The following GABPB1 variants were observed in gnomAD, a reference collection of about 807,000 sequenced individuals.
GABPB1 encodes the protein GA-binding protein subunit beta-1.
A neutral mutation model predicts 45.9 loss-of-function variants in GABPB1; 15 were observed. The observed-to-expected ratio is 0.33, with a 90% CI of 0.22 to 0.50. The LOEUF (loss-of-function observed/expected upper bound fraction) is 0.50. Ranked by LOEUF, GABPB1 falls within the 20% of genes least tolerant of loss-of-function variation. GABPB1 has a pLI of 0.98. For synonymous variants in GABPB1, 143 were observed against 154.4 expected, an observed-to-expected ratio of 0.93 and a Z score of 0.55; for missense variants, 252 against 457.5, an observed-to-expected ratio of 0.55 and a Z score of 4.10.
intron 6 of GABPB1, among the ~76,000 whole-genome samples, chr15:50,295,118 T>C (rs2046468506): frequency 6.6e-6 from 1 of 152,222 alleles, no homozygotes; most frequent in Admixed American, 6.5e-5. Flanking sequence ...AGCTTCTAAT[T>C]CTATATCCCA....
intron 1 of GABPB1, among the ~76,000 whole-genome samples, chr15:50,340,289 T>C (rs1460795152): frequency 6.6e-6 from 1 of 152,222 alleles, no homozygotes; most frequent in Non-Finnish European, 1.5e-5. Context: ...CTAGTTTATA[T>C]TTTGTTATAG....
chr15:50,278,645 T>G lies in GABPB1; in HGVS notation c.1139A>C (p.Lys380Thr). The change falls in exon 9 of 9, where the codon AAA becomes ACA. Residue 380 changes from lysine to threonine, a missense_variant. Physicochemically the swap from Lys to Thr is moderately conservative, Grantham distance 78. Coordinates refer to ENST00000380877, the MANE Select transcript of GABPB1 (RefSeq NM_016654.5). ...LEAMTRLQTN[K>T]EAV ...TGTTCATTTCAATTAAACAGCTTCT[T>G]TATTAGTCTGAAGACGAGTCATAGC... 1 of 1,608,396 alleles carries G rather than the reference T, an allele frequency of 6.2e-7. No individual in the cohort carries two copies. The highest frequency in any genetic ancestry group is 8.5e-7 in the Non-Finnish European group (1 of 1,178,612).
chr15:50,354,451 G>A, intron 1 of GABPB1: 2 of 447,028 alleles, frequency 4.5e-6, no homozygotes, highest in Non-Finnish European at 9.0e-6. Context: ...AGGGCGCCCA[G>A]GACCCGCCAC....
chr15:50,302,127 A>G (rs2046772576), intron 4 of GABPB1, among the ~76,000 whole-genome samples: 1 of 152,230 alleles, frequency 6.6e-6, no homozygotes, highest in Non-Finnish European at 1.5e-5. Context: ...CTGGCTGAAA[A>G]TAAGAGAAGT....
chr15:50,294,390 T>G (rs781243430), intron 6 of GABPB1, among the ~76,000 whole-genome samples: 2 of 152,024 alleles, frequency 1.3e-5, no homozygotes, highest in Non-Finnish European at 2.9e-5. Context: ...GGCACGTGCC[T>G]GTAGTCCCAG....
At position 50,276,868 on chromosome 15, in the gene GABPB1, GAA is replaced by G. The variant is rs894805531; in HGVS notation, c.*1762_*1763del. On this transcript the variant is annotated 3_prime_UTR_variant, in exon 9 of 9. Transcript: ENST00000380877. ...TCTCTATTGACTTTTCAGGACTGCAGAAAAAGTCACTTCATGCTATTGAAAAT... is the reference window on the plus strand; with the variant it reads ...TCTCTATTGACTTTTCAGGACTGCAGAAAGTCACTTCATGCTATTGAAAAT... The G allele has an allele frequency of 1.3e-5, 2 of 152,222 alleles. No individual in the cohort carries two copies. Among genetic ancestry groups the G allele is most frequent in the African/African-American group, 4.8e-5 (2 of 41,442 alleles). The allele number at this position is 152,222 out of a possible 1,614,324, so 9.4% of individuals were successfully genotyped here. A position where few individuals can be genotyped will look rare whatever the true frequency, so the allele number is the denominator to read the frequency against.
intron 6 of GABPB1, among the ~76,000 whole-genome samples, chr15:50,294,412 G>A (rs1244141237): frequency 6.6e-6 from 1 of 152,136 alleles, no homozygotes; most frequent in African/African-American, 2.4e-5. Flanking sequence ...TACTCAGGAG[G>A]CTGAGGCAGG....
At chr15:50,301,922 T>A (rs1222197469) in intron 4 of GABPB1, among the ~76,000 whole-genome samples, 1 of 152,172 alleles carries the variant, frequency 6.6e-6, no homozygotes, top group East Asian at 1.9e-4. Flanking sequence ...ACCCCCAAAC[T>A]GCACTCTTAG....
intron 1 of GABPB1, among the ~76,000 whole-genome samples, chr15:50,334,505 CTTTTTTTTTTT>C (rs60433481): frequency 9.1e-6 from 1 of 109,406 alleles, no homozygotes; most frequent in Non-Finnish European, 1.8e-5. Context: ...TCTTTTTTTC[CTTTTTTTTTTT>C]TTTTTTTTTT....
At chr15:50,296,645 C>T (rs2046522133) in intron 6 of GABPB1, among the ~76,000 whole-genome samples, 1 of 152,156 alleles carries the variant, frequency 6.6e-6, no homozygotes, top group African/African-American at 2.4e-5. Context: ...ATTCAACCTC[C>T]ACAACCTCCA....
intron 1 of GABPB1, chr15:50,349,021 A>G (rs933324852): frequency 6.6e-6 from 1 of 152,194 alleles, no homozygotes; most frequent in African/African-American, 2.4e-5. Flanking sequence ...TTAATATTAT[A>G]AAATAGGACT....
At chr15:50,347,867 C>A (rs1187196746) in intron 1 of GABPB1, among the ~76,000 whole-genome samples, 1 of 152,008 alleles carries the variant, frequency 6.6e-6, no homozygotes, top group East Asian at 1.9e-4. Context: ...ACCAGCCTAG[C>A]CAACATGGCT....
intron 1 of GABPB1, among the ~76,000 whole-genome samples, chr15:50,311,485 T>C (rs1352835171): frequency 6.6e-6 from 1 of 152,198 alleles, no homozygotes; most frequent in Non-Finnish European, 1.5e-5. Flanking sequence ...TGAACAACTA[T>C]TACAGGTTGA....
rs1380897910 is a variant in GABPB1, at chr15:50,287,620, GC to G, written c.884-1438del. ...AGCAGCCTCAGAAGAAACCAAACCT[GC>G]CCAACACCTTGATCTCGCACTTTTA... On this transcript the variant is annotated intron_variant, in intron 7 of 8. Coordinates refer to ENST00000380877, the MANE Select transcript of GABPB1 (RefSeq NM_016654.5). Among the ~76,000 whole-genome samples, 11 of 152,252 alleles carry G rather than the reference GC, an allele frequency of 7.2e-5. No individual in the cohort carries two copies. In the East Asian group the frequency reaches 2.1e-3, roughly 29 times the overall value.
At position 50,339,718 on chromosome 15, in the gene GABPB1, C is replaced by A. The variant is rs144239778; in HGVS notation, c.-1+15267G>T. Among the ~76,000 whole-genome samples, 824 of 152,094 alleles carry A rather than the reference C, an allele frequency of 5.4e-3. 6 individuals are homozygous for A. Among genetic ancestry groups the A allele is most frequent in the African/African-American group, 0.019 (789 of 41,472 alleles). Reference sequence around the variant, plus strand: ...GATAAAAAATATTTATTGATGACTACTTAATATTCATGTTTAAGATAAGCT... The same window carrying A: ...GATAAAAAATATTTATTGATGACTAATTAATATTCATGTTTAAGATAAGCT... On this transcript the variant is annotated intron_variant, in intron 1 of 8. Transcript: ENST00000380877.
chr15:50,289,773 T>TTTTTCC (rs1555507289), intron 6 of GABPB1, 105 bp from the exon 7 acceptor site: 1 of 786,194 alleles, frequency 1.3e-6, no homozygotes, highest in Non-Finnish European at 1.9e-6. Flanking sequence ...CTTTCTTTTC[T>TTTTTCC]TTTTTCTTTT....
chr15:50,336,101 A>T (rs1203766883), intron 1 of GABPB1, among the ~76,000 whole-genome samples: 2 of 151,990 alleles, frequency 1.3e-5, no homozygotes, highest in African/African-American at 2.4e-5. Context: ...CTGTAATCCC[A>T]GCACTTTGGG....
At chr15:50,296,361 A>G (rs6493426) in intron 6 of GABPB1, among the ~76,000 whole-genome samples, 39,418 of 152,200 alleles carry the variant, frequency 0.26, 6,489 homozygotes, top group Middle Eastern at 0.38. Flanking sequence ...CTATTACTAG[A>G]AAAAGCTATA....
chr15:50,335,014 G>A (rs1379420575), intron 1 of GABPB1, among the ~76,000 whole-genome samples: 2 of 152,070 alleles, frequency 1.3e-5, no homozygotes, highest in African/African-American at 4.8e-5. Flanking sequence ...AAAAAATTGT[G>A]GGGAGGCCTA....
Sources: gnomAD v4.1 joint callset for allele counts (sites outside exome capture counted in the v4.1 genomes callset) on GRCh38, gnomAD v4.1.1 for gene constraint, MANE v1.5 for transcripts, NCBI Gene and HGNC (gene_info 2026-07-23, HGNC 2026-07-21) for gene names.